Variants in PTPRB observed in about 807,000 individuals in gnomAD.
PTPRB encodes the protein protein tyrosine phosphatase receptor type B.
PTPRB carries 97 observed loss-of-function variants against 238.1 expected under a neutral mutation model. The ratio of observed to expected loss-of-function variants is 0.41; its 90% CI spans 0.35 to 0.48. The LOEUF (loss-of-function observed/expected upper bound fraction) is 0.48, where lower values mean the gene tolerates loss of function less well. Ranked by LOEUF, PTPRB falls within the 20% of genes least tolerant of loss-of-function variation. The pLI is 0.30. For synonymous variants in PTPRB, 970 were observed against 995.4 expected (o/e 0.97, Z 0.48); for missense variants, 2,292 against 2,681.9 (o/e 0.85, Z 3.21).
At chr12:70,605,516 T>C (rs946257079) in intron 4 of PTPRB, among the ~76,000 whole-genome samples, 4 of 152,168 alleles carry the variant, frequency 2.6e-5, no homozygotes, top group Admixed American at 6.5e-5. Flanking sequence ...GACAAATAAA[T>C]GCTCCCTAAA....
chr12:70,580,485 C>G (rs912104059), intron 10 of PTPRB, among the ~76,000 whole-genome samples: 4 of 152,182 alleles, frequency 2.6e-5, no homozygotes, highest in Non-Finnish European at 4.4e-5. Context: ...GGGGATAAGT[C>G]TAGACATCGA....
rs974827492 is a variant in PTPRB at position 70,517,241 on chromosome 12, A to G, written c.*4248T>C. The G allele has an allele frequency of 6.6e-6, 1 of 152,228 alleles. No individual in the cohort carries two copies. The highest frequency in any genetic ancestry group is 1.5e-5 in the Non-Finnish European group (1 of 68,026). The allele number at this position is 152,228 out of a possible 1,614,324, so 9.4% of individuals were successfully genotyped here. On this transcript the variant is annotated 3_prime_UTR_variant, in exon 34 of 34. Coordinates refer to ENST00000334414, the MANE Select transcript of PTPRB (RefSeq NM_001109754.4). ...TAATCAGTTAAACCATCTGGCCAAC[A>G]TAGAGTGAATCCTCAAAAGGGCAAC... is the stretch of plus-strand genomic sequence containing the variant.
chr12:70,599,479 TAAATC>T (rs936500558), intron 4 of PTPRB, among the ~76,000 whole-genome samples: 1 of 152,160 alleles, frequency 6.6e-6, no homozygotes, highest in Non-Finnish European at 1.5e-5. Context: ...GAACTAATAA[TAAATC>T]AAATCAAAAA....
rs549252693 is a variant in PTPRB, at chr12:70,572,809, A to C, written c.2843-722T>G. 2.8e-4 allele frequency among the ~76,000 whole-genome samples: 43 copies of C among 151,690 alleles called. 1 individual carries two copies. Among genetic ancestry groups the C allele is most frequent in the Admixed American group, 2.1e-3 (32 of 15,226 alleles). On this transcript the variant is annotated intron_variant, in intron 11 of 33. Coordinates refer to ENST00000334414, the MANE Select transcript of PTPRB (RefSeq NM_001109754.4). ...AAAAAAAAAGAAAAGAAAAGGAAAA[A>C]GAAAAATGGAAGAAGAAACACATAT...
At chr12:70,624,619 A>T (rs1055941930) in intron 2 of PTPRB, among the ~76,000 whole-genome samples, 3 of 152,170 alleles carry the variant, frequency 2.0e-5, no homozygotes, top group Non-Finnish European at 4.4e-5. Context: ...TATTGTAGGG[A>T]TGTAAACATT....
intron 32 of PTPRB, chr12:70,527,884 C>T (rs553440419): frequency 6.6e-6 from 1 of 152,374 alleles, no homozygotes; most frequent in Admixed American, 6.5e-5. Flanking sequence ...CAAATGCCAG[C>T]TCTAGCACCA....
intron 15 of PTPRB, among the ~76,000 whole-genome samples, chr12:70,565,599 T>C (rs1053083764): frequency 2.6e-5 from 4 of 152,240 alleles, no homozygotes; most frequent in African/African-American, 2.4e-5. Context: ...TATTTGTCCA[T>C]GTGTCTGTCT....
chr12:70,633,496 T>C (rs1448583048), intron 2 of PTPRB, among the ~76,000 whole-genome samples: 1 of 152,152 alleles, frequency 6.6e-6, no homozygotes, highest in Non-Finnish European at 1.5e-5. Flanking sequence ...CACAATGGCA[T>C]ATTTAAGATG....
intron 4 of PTPRB, among the ~76,000 whole-genome samples, chr12:70,596,863 T>A (rs1883070340): frequency 6.6e-6 from 1 of 152,088 alleles, no homozygotes; most frequent in Non-Finnish European, 1.5e-5. Flanking sequence ...AAACCTAGGA[T>A]AGGGTTGCTT....
At chr12:70,554,318 C>A (rs1283755100) in intron 20 of PTPRB, among the ~76,000 whole-genome samples, 4 of 152,136 alleles carry the variant, frequency 2.6e-5, no homozygotes, top group African/African-American at 9.7e-5. Flanking sequence ...TCATGCAGCA[C>A]CTTAAACAGT....
intron 32 of PTPRB, chr12:70,525,317 T>C (rs927995782): frequency 2.0e-5 from 3 of 152,090 alleles, no homozygotes; most frequent in African/African-American, 7.2e-5. Context: ...AATGAGAAAA[T>C]CATTTCACTG....
intron 10 of PTPRB, among the ~76,000 whole-genome samples, chr12:70,579,024 TA>T (rs1442095297): frequency 6.6e-6 from 1 of 152,166 alleles, no homozygotes; most frequent in Admixed American, 6.5e-5. Flanking sequence ...CCACTGATAG[TA>T]GGAGACTGTA....
At chr12:70,596,498 A>G (rs1316133758) in intron 4 of PTPRB, among the ~76,000 whole-genome samples, 171 bp from the exon 5 acceptor site, 1 of 151,878 alleles carries the variant, frequency 6.6e-6, no homozygotes, top group Non-Finnish European at 1.5e-5. Context: ...CTTCACTTCC[A>G]AACCTACCCT....
At position 70,517,003 on chromosome 12, in the gene PTPRB, C is replaced by A. The variant is rs184247279; in HGVS notation, c.*4486G>T. ...AGTATTCTCTTAGCCAGAAATACTT[C>A]TATTGCTAGAAACATTTTTAGAACA... On this transcript the variant is annotated 3_prime_UTR_variant, in exon 34 of 34. Coordinates refer to ENST00000334414, the MANE Select transcript of PTPRB (RefSeq NM_001109754.4). The A allele has an allele frequency of 6.6e-6, 1 of 152,284 alleles. No homozygotes were observed. Among genetic ancestry groups the A allele is most frequent in the East Asian group, 1.9e-4 (1 of 5,188 alleles). 9.4% of individuals were successfully genotyped at this position (152,284 alleles called of 1,614,324 possible). A position where few individuals can be genotyped will look rare whatever the true frequency, so the allele number is the denominator to read the frequency against.
chr12:70,625,614 T>C (rs1291141163), intron 2 of PTPRB, among the ~76,000 whole-genome samples: 3 of 152,064 alleles, frequency 2.0e-5, no homozygotes, highest in Non-Finnish European at 4.4e-5. Flanking sequence ...TTATTTGAAA[T>C]AGTAGATCTT....
intron 11 of PTPRB, among the ~76,000 whole-genome samples, chr12:70,572,775 T>TAAAAAA (rs10709963): frequency 0.067 from 6,252 of 93,494 alleles, 195 homozygotes; most frequent in Non-Finnish European, 0.11. Flanking sequence ...CTCCATCTCA[T>TAAAAAA]AAAAAAAAAA....
chr12:70,555,855 T>C lies in PTPRB; in HGVS notation c.4993+15A>G, dbSNP rs982595696. On this transcript the variant is annotated intron_variant, in intron 19 of 33. Coordinates refer to ENST00000334414, the MANE Select transcript of PTPRB (RefSeq NM_001109754.4). ...AGTGACAGGAGGCTCTGTGCGCACC[T>C]CCAGGGACACTTACGGTCTATCATT... 2 of 1,611,020 alleles carry C rather than the reference T, an allele frequency of 1.2e-6. No homozygotes were observed. The highest frequency in any genetic ancestry group is 1.7e-6 in the Non-Finnish European group (2 of 1,179,128).
At chr12:70,611,605 C>A (rs911666332) in intron 3 of PTPRB, among the ~76,000 whole-genome samples, 1 of 152,170 alleles carries the variant, frequency 6.6e-6, no homozygotes, top group Non-Finnish European at 1.5e-5. Flanking sequence ...TGGCCTGCTT[C>A]AATTCTTTTA....
At position 70,538,945 on chromosome 12, in the gene PTPRB, G is replaced by A. The variant is rs724159879; in HGVS notation, c.5848C>T (p.Arg1950Ter). 1.2e-6 allele frequency: 2 copies of A among 1,613,310 alleles called. No homozygotes were observed. The highest frequency in any genetic ancestry group is 1.7e-6 in the Non-Finnish European group (2 of 1,179,580). The change falls in exon 27 of 34, where the codon CGA becomes TGA. Residue 1950 changes from arginine to a stop codon, truncating the protein, a stop_gained. Transcript: ENST00000334414. LOFTEE classifies it high-confidence loss of function. Reference protein sequence around the residue: ...ALLPENRGKNRYNNILPYDAT... With the variant: ...ALLPENRGKN ...TTACAGGGCAATATATTGTTGTATC[G>A]ATTTTTCCCTCTATTCTCCGGCAAG...
Sources: gnomAD v4.1 joint callset for allele counts (sites outside exome capture counted in the v4.1 genomes callset) on GRCh38, gnomAD v4.1.1 for gene constraint, MANE v1.5 for transcripts, NCBI Gene and HGNC (gene_info 2026-07-23, HGNC 2026-07-21) for gene names.